Variants in SEMA6D observed in about 807,000 individuals in gnomAD.
The protein encoded by SEMA6D is semaphorin 6D.
Under a neutral mutation model 106.6 loss-of-function variants are expected in SEMA6D, and 35 were observed. The observed-to-expected ratio is 0.33, with a 90% CI of 0.25 to 0.44. The LOEUF (loss-of-function observed/expected upper bound fraction) is 0.44, where lower values mean the gene tolerates loss of function less well. SEMA6D is among the 20% of genes least tolerant of loss of function. SEMA6D has a pLI of 1.00. For synonymous variants in SEMA6D, 499 were observed against 487.7 expected, an observed-to-expected ratio of 1.02 and a Z score of -0.31; for missense variants, 1,185 against 1,345.9, an observed-to-expected ratio of 0.88 and a Z score of 1.87.
chr15:47,266,195 A>G (rs541501037), intron 1 of SEMA6D, among the ~76,000 whole-genome samples: 2 of 152,072 alleles, frequency 1.3e-5, no homozygotes, highest in African/African-American at 4.8e-5. Context: ...CTCCTAATTT[A>G]CTGCCAATTG....
chr15:47,248,822 A>G (rs1242699884), intron 1 of SEMA6D, among the ~76,000 whole-genome samples: 1 of 152,200 alleles, frequency 6.6e-6, no homozygotes, highest in African/African-American at 2.4e-5. Context: ...CTCTTGGAGC[A>G]TTTTGGCTGG....
chr15:47,435,241 G>A (rs903274804), intron 2 of SEMA6D, among the ~76,000 whole-genome samples: 1 of 152,038 alleles, frequency 6.6e-6, no homozygotes, highest in Non-Finnish European at 1.5e-5. Flanking sequence ...CTAAACAACA[G>A]TCTAGAATTC....
At chr15:47,396,539 C>G (rs932043862) in intron 1 of SEMA6D, 1 of 152,226 alleles carries the variant, frequency 6.6e-6, no homozygotes, top group African/African-American at 2.4e-5. Context: ...AACTTGGAGT[C>G]TGATGTTCAA....
chr15:47,631,975 T>C (rs1172472568), intron 4 of SEMA6D, among the ~76,000 whole-genome samples: 2 of 151,998 alleles, frequency 1.3e-5, no homozygotes, highest in African/African-American at 4.8e-5. Context: ...ATTTGATATG[T>C]TGTATTTTCA....
At chr15:47,293,517 G>T (rs902232795) in intron 1 of SEMA6D, among the ~76,000 whole-genome samples, 1 of 152,182 alleles carries the variant, frequency 6.6e-6, no homozygotes, top group African/African-American at 2.4e-5. Flanking sequence ...TCCAGGACTA[G>T]CACAGCTGTC....
At chr15:47,297,852 T>C (rs972622829) in intron 1 of SEMA6D, among the ~76,000 whole-genome samples, 1 of 152,028 alleles carries the variant, frequency 6.6e-6, no homozygotes, top group Non-Finnish European at 1.5e-5. Flanking sequence ...GGTGATAGTT[T>C]CATGCAGAGA....
At position 47,431,220 on chromosome 15, in the gene SEMA6D, T is replaced by C. The variant is rs930569870; in HGVS notation, c.-159+18748T>C. On this transcript the variant is annotated intron_variant, in intron 2 of 19. Coordinates refer to the SEMA6D transcript ENST00000558014. ...ATGTGAGTCTTAAGATTTCTCTTTG[T>C]AATATTTGATTTAAGGGACTTTTAT... Among the ~76,000 whole-genome samples, 8 of 152,296 alleles carry C rather than the reference T, an allele frequency of 5.3e-5. No homozygotes were observed. In the East Asian group the frequency reaches 1.5e-3, roughly 29 times the overall value.
At chr15:47,567,020 T>C (rs1290061309) in intron 3 of SEMA6D, among the ~76,000 whole-genome samples, 2 of 152,234 alleles carry the variant, frequency 1.3e-5, no homozygotes, top group East Asian at 3.8e-4. Context: ...GAGGTCATTT[T>C]TGGAAGCTGA....
intron 3 of SEMA6D, among the ~76,000 whole-genome samples, chr15:47,487,589 C>T (rs2043335401): frequency 6.6e-6 from 1 of 152,164 alleles, no homozygotes; most frequent in East Asian, 1.9e-4. Context: ...TATTTAACAA[C>T]ACTATATGTC....
At chr15:47,598,101 A>G (rs1335621068) in intron 3 of SEMA6D, among the ~76,000 whole-genome samples, 2 of 152,060 alleles carry the variant, frequency 1.3e-5, no homozygotes, top group African/African-American at 4.8e-5. Flanking sequence ...AAAGGAGATT[A>G]TACTGTAAAG....
intron 1 of SEMA6D, among the ~76,000 whole-genome samples, chr15:47,251,916 T>A (rs1566951899): frequency 4.6e-5 from 6 of 130,528 alleles, no homozygotes; most frequent in Non-Finnish European, 8.0e-5. Flanking sequence ...GATTTTTTTT[T>A]TTTTTTTTTT....
At chr15:47,205,334 G>A (rs967147308) in intron 1 of SEMA6D, among the ~76,000 whole-genome samples, 1 of 152,014 alleles carries the variant, frequency 6.6e-6, no homozygotes, top group Non-Finnish European at 1.5e-5. Flanking sequence ...TTCTTTCTTT[G>A]AGAAAGTGAA....
In SEMA6D at chr15:47,559,381, ACTGAGCTTC is replaced by A. The variant is rs2046011911; in HGVS notation, c.-86-41483_-86-41475del. On this transcript the variant is annotated intron_variant, in intron 3 of 19. Transcript: ENST00000558014. ...TAAGAAGCATTTATTCATGAAAAAT[ACTGAGCTTC>A]AGGTCAGAAGAATATAAGTTTGTGG... Among the ~76,000 whole-genome samples the A allele has an allele frequency of 2.6e-5, 4 of 152,234 alleles. No homozygotes were observed. In the East Asian group the frequency reaches 7.7e-4, roughly 29 times the overall value.
At chr15:47,391,208 CT>C (rs1448458890) in intron 1 of SEMA6D, among the ~76,000 whole-genome samples, 19 of 152,182 alleles carry the variant, frequency 1.2e-4, no homozygotes, top group African/African-American at 4.6e-4. Flanking sequence ...AATCAGCCTC[CT>C]TTCCTCTGCT....
chr15:47,275,680 G>C (rs749624828), intron 1 of SEMA6D, among the ~76,000 whole-genome samples: 1 of 151,924 alleles, frequency 6.6e-6, no homozygotes, highest in African/African-American at 2.4e-5. Flanking sequence ...CTCTCCTTGG[G>C]CCTCCCTATT....
chr15:47,571,428 T>A (rs558993644), intron 3 of SEMA6D, among the ~76,000 whole-genome samples: 1 of 152,350 alleles, frequency 6.6e-6, no homozygotes, highest in Admixed American at 6.5e-5. Context: ...ATTAGAGCAT[T>A]CTTGAGTCCA....
At chr15:47,517,203 C>T (rs2044416796) in intron 3 of SEMA6D, among the ~76,000 whole-genome samples, 1 of 152,124 alleles carries the variant, frequency 6.6e-6, no homozygotes, top group Admixed American at 6.5e-5. Context: ...ATGGCTGCCC[C>T]TGAATCCCTG....
chr15:47,304,420 T>C (rs1025440688), intron 1 of SEMA6D, among the ~76,000 whole-genome samples: 3 of 122,032 alleles, frequency 2.5e-5, no homozygotes, highest in Non-Finnish European at 4.7e-5. Context: ...CACTCCAGCC[T>C]GAGCCTTCTA....
intron 1 of SEMA6D, among the ~76,000 whole-genome samples, chr15:47,333,856 G>T (rs2037443550): frequency 6.6e-6 from 1 of 152,134 alleles, no homozygotes; most frequent in Non-Finnish European, 1.5e-5. Context: ...TTATAATGTT[G>T]TGGTATGCGG....
Sources: gnomAD v4.1 joint callset for allele counts (sites outside exome capture counted in the v4.1 genomes callset) on GRCh38, gnomAD v4.1.1 for gene constraint, MANE v1.5 for transcripts, NCBI Gene and HGNC (gene_info 2026-07-23, HGNC 2026-07-21) for gene names.